DLG2: variants seen among roughly 807,000 people sequenced by gnomAD.
The protein encoded by DLG2 is discs large MAGUK scaffold protein 2, also known as disks large homolog 2.
DLG2 carries 45 observed loss-of-function variants against 132.5 expected under a neutral mutation model. The ratio of observed to expected loss-of-function variants is 0.34; its 90% CI spans 0.27 to 0.44. The LOEUF (loss-of-function observed/expected upper bound fraction) is 0.44, where lower values mean the gene tolerates loss of function less well. Among genes scored for constraint, DLG2 ranks in the 20% least tolerant of loss-of-function variants. DLG2 has a pLI of 1.00. For missense variants in DLG2, 1,045 were observed against 1,196.9 expected, an observed-to-expected ratio of 0.87 and a Z score of 1.87; for synonymous variants, 424 against 419.6, an observed-to-expected ratio of 1.01 and a Z score of -0.13.
chr11:84,170,462 C>T (rs2095795349), intron 8 of DLG2, among the ~76,000 whole-genome samples: 1 of 152,108 alleles, frequency 6.6e-6, no homozygotes, highest in Non-Finnish European at 1.5e-5. Flanking sequence ...AAACATGTAA[C>T]AAAGCGATAG....
chr11:84,128,963 A>G (rs1165971521), intron 9 of DLG2, among the ~76,000 whole-genome samples: 2 of 152,156 alleles, frequency 1.3e-5, no homozygotes, highest in Non-Finnish European at 1.5e-5. Flanking sequence ...TCTTAAAAGC[A>G]GTCTTTTTAT....
At chr11:84,176,163 C>T (rs1238893719) in intron 8 of DLG2, among the ~76,000 whole-genome samples, 1 of 151,784 alleles carries the variant, frequency 6.6e-6, no homozygotes, top group African/African-American at 2.4e-5. Context: ...CATCCCCCTC[C>T]CCCTAGCAGA....
At chr11:84,264,919 ACT>A (rs983919819) in intron 7 of DLG2, among the ~76,000 whole-genome samples, 1 of 152,090 alleles carries the variant, frequency 6.6e-6, no homozygotes, top group African/African-American at 2.4e-5. Context: ...AAGTCACTTA[ACT>A]CTCTGAATTA....
intron 3 of DLG2, among the ~76,000 whole-genome samples, chr11:85,413,878 T>C (rs909542021): frequency 6.6e-6 from 1 of 152,220 alleles, no homozygotes; most frequent in Admixed American, 6.6e-5. Context: ...GCTTTGGCTA[T>C]GCAGCCTCTT....
intron 11 of DLG2, among the ~76,000 whole-genome samples, chr11:84,016,257 C>G (rs1284060368): frequency 6.6e-6 from 1 of 151,884 alleles, no homozygotes; most frequent in Admixed American, 6.6e-5. Context: ...TGTTTAAGTT[C>G]CTTACAGATA....
chr11:84,043,044 C>T (rs898534598), intron 11 of DLG2, among the ~76,000 whole-genome samples: 10 of 151,372 alleles, frequency 6.6e-5, no homozygotes, highest in African/African-American at 2.4e-4. Flanking sequence ...TATGTATATG[C>T]TATTGATTTC....
intron 7 of DLG2, among the ~76,000 whole-genome samples, chr11:84,311,811 T>C (rs930820963): frequency 1.1e-4 from 16 of 152,220 alleles, no homozygotes; most frequent in African/African-American, 3.6e-4. Flanking sequence ...CAGGGCTCAA[T>C]GTTCCGGGCA....
At chr11:84,784,269 G>A (rs2072409469) in intron 6 of DLG2, among the ~76,000 whole-genome samples, 1 of 147,058 alleles carries the variant, frequency 6.8e-6, no homozygotes, top group Non-Finnish European at 1.5e-5. Flanking sequence ...TCAGTGAGCC[G>A]AGATTGCACC....
At chr11:84,464,036 A>G (rs1169403321) in intron 7 of DLG2, among the ~76,000 whole-genome samples, 1 of 151,220 alleles carries the variant, frequency 6.6e-6, no homozygotes, top group Admixed American at 6.6e-5. Flanking sequence ...ATCTAATTTT[A>G]CTCTAAAATA....
At position 84,669,131 on chromosome 11, in the gene DLG2, G is replaced by A. The variant is rs11234121; in HGVS notation, c.358-134400C>T. Among the ~76,000 whole-genome samples, 1,297 of 152,196 alleles carry A rather than the reference G, an allele frequency of 8.5e-3. 4 individuals are homozygous for A. Among genetic ancestry groups the A allele is most frequent in the Non-Finnish European group, 0.014 (945 of 67,994 alleles). On this transcript the variant is annotated intron_variant, in intron 6 of 27. Coordinates refer to ENST00000376104, the MANE Select transcript of DLG2 (RefSeq NM_001142699.3). The stretch of plus-strand genomic sequence containing the variant: ...AGATGACACTAGAGGTAAGACCTAA[G>A]TGAGGCAAAGGGCAAGCATGTGCTT...
At chr11:84,844,852 T>C (rs1038878456) in intron 6 of DLG2, among the ~76,000 whole-genome samples, 7 of 152,216 alleles carry the variant, frequency 4.6e-5, no homozygotes, top group African/African-American at 1.7e-4. Flanking sequence ...GTTTTGGTTA[T>C]ATCATTTAAT....
At chr11:85,620,065 T>G (rs978129535) in intron 2 of DLG2, among the ~76,000 whole-genome samples, 1 of 152,234 alleles carries the variant, frequency 6.6e-6, no homozygotes, top group Admixed American at 6.5e-5. Flanking sequence ...AGTCTATCAC[T>G]GGCAATTTTC....
At chr11:85,032,456 A>C (rs1339047009) in intron 6 of DLG2, among the ~76,000 whole-genome samples, 1 of 152,236 alleles carries the variant, frequency 6.6e-6, no homozygotes, top group East Asian at 1.9e-4. Context: ...ATGGCAAATA[A>C]CAATGTAATT....
chr11:84,919,496 T>C (rs1436688394), intron 6 of DLG2, among the ~76,000 whole-genome samples: 1 of 151,902 alleles, frequency 6.6e-6, no homozygotes, highest in Non-Finnish European at 1.5e-5. Context: ...CAGCAGGATT[T>C]ACTCTAAAGA....
Position 83,797,664 on chromosome 11 carries a change from A to G in DLG2, c.1723-10872T>C, listed in dbSNP as rs548063788. ...CTCCCGAGTAGCTGGGACTACAGGC[A>G]CTCGCCACCATGCCCAGCTAATTTT... On this transcript the variant is annotated intron_variant, in intron 17 of 27. Coordinates refer to ENST00000376104, the MANE Select transcript of DLG2 (RefSeq NM_001142699.3). Among the ~76,000 whole-genome samples, 21 of 152,050 alleles carry G rather than the reference A, an allele frequency of 1.4e-4. No individual in the cohort carries two copies. In the East Asian group the frequency reaches 3.7e-3, roughly 27 times the overall value.
At position 85,561,244 on chromosome 11, in the gene DLG2, A is replaced by T. The variant is rs181120739; in HGVS notation, c.40+37413T>A. On this transcript the variant is annotated intron_variant, in intron 3 of 27. Coordinates refer to ENST00000376104, the MANE Select transcript of DLG2 (RefSeq NM_001142699.3). Reference sequence around the variant, plus strand: ...CAGGCATGGTGGTTGAGACAGGAGGATCTCTTGAGCCCAGGAGTTCAAGGT... The same window carrying T: ...CAGGCATGGTGGTTGAGACAGGAGGTTCTCTTGAGCCCAGGAGTTCAAGGT... 9.8e-5 allele frequency among the ~76,000 whole-genome samples: 14 copies of T among 142,242 alleles called. No homozygotes were observed. In the East Asian group the frequency reaches 3.1e-3, roughly 32 times the overall value. 93.3% of individuals were successfully genotyped at this position (142,242 alleles called of 152,430 possible). A position where few individuals can be genotyped will look rare whatever the true frequency, so the allele number is the denominator to read the frequency against.
At chr11:85,442,687 C>T (rs73491947) in intron 3 of DLG2, among the ~76,000 whole-genome samples, 208 of 151,854 alleles carry the variant, frequency 1.4e-3, no homozygotes, top group African/African-American at 4.8e-3. Context: ...CATAGCAAGA[C>T]CTGTCTCTAC....
intron 6 of DLG2, among the ~76,000 whole-genome samples, chr11:84,719,342 G>GCT (rs772768113): frequency 6.6e-6 from 1 of 152,122 alleles, no homozygotes; most frequent in African/African-American, 2.4e-5. Flanking sequence ...GATGAAGAAA[G>GCT]CTCTCTCTCT....
intron 19 of DLG2, among the ~76,000 whole-genome samples, chr11:83,569,511 T>C (rs894008774): frequency 1.3e-5 from 2 of 152,194 alleles, no homozygotes; most frequent in African/African-American, 2.4e-5. Flanking sequence ...GATGAGGAAA[T>C]TGCAGATCAG....
Sources: allele counts gnomAD v4.1 joint callset (sites outside exome capture counted in the v4.1 genomes callset), GRCh38; gene constraint gnomAD v4.1.1; transcripts MANE v1.5; gene names NCBI Gene and HGNC (gene_info 2026-07-23, HGNC 2026-07-21).